MAGI1: variants seen among roughly 807,000 people sequenced by gnomAD.
MAGI1 encodes the protein membrane associated guanylate kinase, WW and PDZ domain containing 1.
MAGI1 carries 58 observed loss-of-function variants against 139.9 expected under a neutral mutation model. That is an observed-to-expected ratio of 0.41 (90% CI 0.34 to 0.52). The LOEUF is 0.52. MAGI1 is among the 20% of genes least tolerant of loss of function. The pLI, the probability that MAGI1 is intolerant of heterozygous loss-of-function variation, is 0.12. For missense variants in MAGI1, 1,874 were observed against 1,901.6 expected, an observed-to-expected ratio of 0.99 and a Z score of 0.27; for synonymous variants, 812 against 737.9, an observed-to-expected ratio of 1.10 and a Z score of -1.63.
At chr3:65,617,804 C>A (rs2083453863) in intron 2 of MAGI1, among the ~76,000 whole-genome samples, 1 of 152,094 alleles carries the variant, frequency 6.6e-6, no homozygotes, top group Admixed American at 6.6e-5. Flanking sequence ...TATCTTTTTC[C>A]ATTTCTTCAT....
At chr3:65,969,221 C>T (rs1313777538) in intron 1 of MAGI1, among the ~76,000 whole-genome samples, 1 of 152,192 alleles carries the variant, frequency 6.6e-6, no homozygotes, top group Non-Finnish European at 1.5e-5. Context: ...ACAATAGTAG[C>T]TTCTTCCACA....
At chr3:65,577,331 T>G (rs569319091) in intron 2 of MAGI1, among the ~76,000 whole-genome samples, 1 of 152,144 alleles carries the variant, frequency 6.6e-6, no homozygotes, top group Admixed American at 6.5e-5. Context: ...CCATTATGAA[T>G]AAAACATCAG....
At chr3:65,923,970 A>T (rs771974404) in intron 1 of MAGI1, among the ~76,000 whole-genome samples, 1 of 152,232 alleles carries the variant, frequency 6.6e-6, no homozygotes, top group South Asian at 2.1e-4. Flanking sequence ...GAAAATAATT[A>T]AAGTGTTTTT....
chr3:65,505,469 C>A (rs548142618), intron 2 of MAGI1, among the ~76,000 whole-genome samples: 68 of 150,930 alleles, frequency 4.5e-4, no homozygotes, highest in Admixed American at 8.6e-4. Flanking sequence ...AATAGTGAAA[C>A]CTTGTCTCTA....
chr3:65,400,424 G>A (rs1024076216), intron 13 of MAGI1, among the ~76,000 whole-genome samples: 1 of 152,126 alleles, frequency 6.6e-6, no homozygotes, highest in Non-Finnish European at 1.5e-5. Flanking sequence ...CTGCAGCGCC[G>A]TAAGCCGCAA....
At chr3:65,770,121 C>T (rs181782084) in intron 1 of MAGI1, among the ~76,000 whole-genome samples, 12 of 152,276 alleles carry the variant, frequency 7.9e-5, no homozygotes, top group African/African-American at 2.4e-4. Context: ...ACATCACTGG[C>T]AAAAACTGCT....
intron 1 of MAGI1, among the ~76,000 whole-genome samples, chr3:65,839,959 T>C (rs1471514622): frequency 2.0e-5 from 3 of 152,220 alleles, no homozygotes; most frequent in Non-Finnish European, 4.4e-5. Flanking sequence ...TTTATAGTTG[T>C]CACCATACTA....
chr3:66,009,502 C>T (rs1249624081), intron 1 of MAGI1, among the ~76,000 whole-genome samples: 1 of 151,978 alleles, frequency 6.6e-6, no homozygotes, highest in Non-Finnish European at 1.5e-5. Flanking sequence ...AAGAGTAAAA[C>T]TCTGCCTCAA....
intron 1 of MAGI1, among the ~76,000 whole-genome samples, chr3:65,891,131 T>TGA (rs1381287892): frequency 1.3e-5 from 2 of 150,908 alleles, no homozygotes; most frequent in African/African-American, 4.9e-5. Flanking sequence ...GAGGATAGCT[T>TGA]GAGCTCAGGA....
At chr3:66,027,161 G>A (rs948156568) in intron 1 of MAGI1, among the ~76,000 whole-genome samples, 1 of 151,778 alleles carries the variant, frequency 6.6e-6, no homozygotes, top group East Asian at 1.9e-4. Context: ...TCAGCTACTC[G>A]AGAGGCTGAG....
chr3:65,705,310 C>A (rs144769280), intron 1 of MAGI1, among the ~76,000 whole-genome samples: 1 of 152,100 alleles, frequency 6.6e-6, no homozygotes, highest in Non-Finnish European at 1.5e-5. Context: ...CAGTGGCACA[C>A]CAAGGCCAGC....
chr3:65,401,162 T>A (rs937078321), intron 13 of MAGI1, among the ~76,000 whole-genome samples: 1 of 151,824 alleles, frequency 6.6e-6, no homozygotes, highest in Non-Finnish European at 1.5e-5. Flanking sequence ...TGAAGGAGAG[T>A]GTGGATGCAT....
At chr3:65,686,844 G>A (rs1453972423) in intron 1 of MAGI1, among the ~76,000 whole-genome samples, 2 of 152,148 alleles carry the variant, frequency 1.3e-5, no homozygotes, top group African/African-American at 4.8e-5. Context: ...TGTAAATTTA[G>A]AGGAAACTGC....
At chr3:65,541,134 T>C (rs1354291292) in intron 2 of MAGI1, among the ~76,000 whole-genome samples, 1 of 152,038 alleles carries the variant, frequency 6.6e-6, no homozygotes, top group Non-Finnish European at 1.5e-5. Context: ...CAGAGAACAC[T>C]ATAAACATCT....
At chr3:65,838,830 T>C (rs928894558) in intron 1 of MAGI1, among the ~76,000 whole-genome samples, 11 of 152,240 alleles carry the variant, frequency 7.2e-5, no homozygotes, top group African/African-American at 2.7e-4. Flanking sequence ...TGTACCATTT[T>C]ACATTCCCAC....
chr3:65,792,039 C>T (rs2039809814), intron 1 of MAGI1, among the ~76,000 whole-genome samples: 1 of 151,916 alleles, frequency 6.6e-6, no homozygotes. Context: ...TCTATACATA[C>T]ATACATACAT....
chr3:65,811,826 C>T (rs1228742903), intron 1 of MAGI1, among the ~76,000 whole-genome samples: 6 of 152,078 alleles, frequency 3.9e-5, no homozygotes, highest in South Asian at 2.1e-4. Flanking sequence ...TAAAGAATCC[C>T]CCCTTGTTCT....
At chr3:65,798,121 T>C (rs1366778453) in intron 1 of MAGI1, among the ~76,000 whole-genome samples, 1 of 152,008 alleles carries the variant, frequency 6.6e-6, no homozygotes, top group East Asian at 1.9e-4. Context: ...CTGGCCAACA[T>C]GGTGAAACCC....
chr3:65,997,513 A>G (rs1422945753), intron 1 of MAGI1, among the ~76,000 whole-genome samples: 2 of 152,102 alleles, frequency 1.3e-5, no homozygotes, highest in East Asian at 3.9e-4. Context: ...AAAATTAGCC[A>G]GGCGTGGTAG....
Sources: gnomAD v4.1 joint callset for allele counts (sites outside exome capture counted in the v4.1 genomes callset) on GRCh38, gnomAD v4.1.1 for gene constraint, MANE v1.5 for transcripts, NCBI Gene and HGNC (gene_info 2026-07-23, HGNC 2026-07-21) for gene names.